CAB39: variants seen among roughly 807,000 people sequenced by gnomAD.
CAB39 encodes calcium binding protein 39, also known as calcium-binding protein 39.
Under a neutral mutation model 40.0 loss-of-function variants are expected in CAB39, and 8 were observed. The ratio of observed to expected loss-of-function variants is 0.20; its 90% confidence interval spans 0.12 to 0.36. The LOEUF (loss-of-function observed/expected upper bound fraction) is 0.36. CAB39 is among the 10% of genes least tolerant of loss of function. CAB39 has a pLI of 1.00. For synonymous variants in CAB39, 156 were observed against 141.6 expected (o/e 1.10, Z -0.72); for missense variants, 270 against 401.1 (o/e 0.67, Z 2.79).
At chr2:230,737,919 G>T (rs560219607) in intron 1 of CAB39, among the ~76,000 whole-genome samples, 1 of 152,194 alleles carries the variant, frequency 6.6e-6, no homozygotes, top group Non-Finnish European at 1.5e-5. Flanking sequence ...AGCAATAAAA[G>T]AAGGTATGTG....
intron 1 of CAB39, among the ~76,000 whole-genome samples, chr2:230,715,306 T>C (rs990934807): frequency 3.9e-5 from 6 of 152,246 alleles, no homozygotes; most frequent in African/African-American, 1.4e-4. Context: ...GACAGAACTT[T>C]TTCTGAAAGT....
chr2:230,717,534 C>T (rs947029741), intron 1 of CAB39, among the ~76,000 whole-genome samples: 2 of 152,240 alleles, frequency 1.3e-5, no homozygotes, highest in Non-Finnish European at 2.9e-5. Context: ...AATATGGGGG[C>T]AGAGCAAAGT....
At chr2:230,749,054 A>G (rs1244187862) in intron 1 of CAB39, among the ~76,000 whole-genome samples, 2 of 146,316 alleles carry the variant, frequency 1.4e-5, no homozygotes, top group African/African-American at 5.0e-5. Context: ...TGTTGCCTTC[A>G]CAACCTCCAA....
At chr2:230,805,586 CATCTGTTCAGATTCAGGT>C (rs1159174505) in intron 5 of CAB39, among the ~76,000 whole-genome samples, 1 of 152,200 alleles carries the variant, frequency 6.6e-6, no homozygotes, top group African/African-American at 2.4e-5. Context: ...CCAATCTCTT[CATCTGTTCAGATTCAGGT>C]AATAACATGA....
chr2:230,800,996 C>G (rs778738165), intron 5 of CAB39, among the ~76,000 whole-genome samples: 21 of 151,988 alleles, frequency 1.4e-4, no homozygotes, highest in Non-Finnish European at 2.4e-4. Context: ...GCAGGTCACC[C>G]CTACTTGATA....
chr2:230,755,354 T>C (rs1357001511), intron 1 of CAB39, among the ~76,000 whole-genome samples: 1 of 152,202 alleles, frequency 6.6e-6, no homozygotes, highest in Non-Finnish European at 1.5e-5. Context: ...AGGTGGGTAT[T>C]GCACTGTGGT....
chr2:230,800,629 T>C (rs1487353889), intron 5 of CAB39, among the ~76,000 whole-genome samples: 1 of 152,002 alleles, frequency 6.6e-6, no homozygotes, highest in Non-Finnish European at 1.5e-5. Context: ...TTCCCCTGTG[T>C]GGAAGGACAG....
chr2:230,799,231 T>C, intron 5 of CAB39: 1 of 194,620 alleles, frequency 5.1e-6, no homozygotes, highest in Non-Finnish European at 1.0e-5. Context: ...AGCAGTTTCT[T>C]TGGTTAAGCA....
chr2:230,737,312 T>G (rs987574514), intron 1 of CAB39, among the ~76,000 whole-genome samples: 5 of 152,174 alleles, frequency 3.3e-5, no homozygotes, highest in African/African-American at 1.2e-4. Flanking sequence ...CATTTTAGTT[T>G]GACAAAACTT....
At chr2:230,719,212 G>A (rs1176566891) in intron 1 of CAB39, among the ~76,000 whole-genome samples, 1 of 152,174 alleles carries the variant, frequency 6.6e-6, no homozygotes, top group African/African-American at 2.4e-5. Flanking sequence ...TAAATGTTGG[G>A]CAAACCTCTT....
In CAB39 at chr2:230,768,993, G is replaced by T. The variant is rs1045150406; in HGVS notation, c.114+8878G>T. On this transcript the variant is annotated intron_variant, in intron 2 of 8. Coordinates refer to ENST00000258418, the MANE Select transcript of CAB39 (RefSeq NM_016289.4). ...TTGGATGAAAGAATCCCTACTATAT[G>T]GTGCCTATTAAAAAATGTACTTTAC... is the stretch of plus-strand genomic sequence containing the variant. 7.4e-4 allele frequency among the ~76,000 whole-genome samples: 112 copies of T among 152,034 alleles called. 2 individuals carry two copies. The highest frequency in any genetic ancestry group is 3.4e-4 in the Non-Finnish European group (23 of 67,988).
chr2:230,762,721 C>T (rs1296782292), intron 2 of CAB39, among the ~76,000 whole-genome samples: 1 of 152,232 alleles, frequency 6.6e-6, no homozygotes, highest in Non-Finnish European at 1.5e-5. Context: ...TCATTCTATT[C>T]ATCAGAATCG....
At chr2:230,777,117 G>A (rs373933651) in intron 2 of CAB39, among the ~76,000 whole-genome samples, 1 of 149,934 alleles carries the variant, frequency 6.7e-6, no homozygotes. Flanking sequence ...ATTTATTTCT[G>A]TATCTATACA....
chr2:230,788,620 G>A (rs193123072), intron 2 of CAB39, among the ~76,000 whole-genome samples: 217 of 152,176 alleles, frequency 1.4e-3, no homozygotes, highest in African/African-American at 5.0e-3. Context: ...CTACTTTTCT[G>A]TGTCTCAAAA....
At chr2:230,727,433 G>C (rs1259366368) in intron 1 of CAB39, among the ~76,000 whole-genome samples, 4 of 66,296 alleles carry the variant, frequency 6.0e-5, no homozygotes, top group Non-Finnish European at 8.7e-5. Flanking sequence ...TTTTTTTTTT[G>C]AGACAGGGTC....
At position 230,791,009 on chromosome 2, in the gene CAB39, A is replaced by G; in HGVS notation, c.252A>G (p.Val84=). The change falls in exon 3 of 9, where the codon GTA becomes GTG. Residue 84 remains valine (V), a synonymous_variant. Coordinates refer to ENST00000258418, the MANE Select transcript of CAB39 (RefSeq NM_016289.4). The stretch of plus-strand genomic sequence containing the variant: ...ATAGTGGGCTCCTTAGCACCCTGGT[A>G]GCTGATTTACAGCTCATTGACTTTG... ...LYNSGLLSTL[V]ADLQLIDFEG... 6.2e-7 allele frequency: 1 copy of G among 1,601,210 alleles called. No individual in the cohort carries two copies.
intron 2 of CAB39, among the ~76,000 whole-genome samples, chr2:230,788,655 A>G (rs978081636): frequency 1.3e-5 from 2 of 152,264 alleles, no homozygotes; most frequent in East Asian, 3.9e-4. Flanking sequence ...TTGTTTTTCA[A>G]AGGTATTTTT....
At chr2:230,813,976 G>GTTTTTT (rs1335944963) in intron 6 of CAB39, 73 bp from the exon 7 acceptor site, 10 of 262,076 alleles carry the variant, frequency 3.8e-5, no homozygotes, top group South Asian at 1.5e-4. Flanking sequence ...TTACCTACCA[G>GTTTTTT]TCTTTTTTTT....
intron 5 of CAB39, among the ~76,000 whole-genome samples, chr2:230,802,376 A>C (rs1325331639): frequency 2.0e-5 from 3 of 152,218 alleles, no homozygotes; most frequent in Non-Finnish European, 2.9e-5. Context: ...AAACACATCC[A>C]AAAGCTAGCA....
Sources: gnomAD v4.1 joint callset for allele counts (sites outside exome capture counted in the v4.1 genomes callset) on GRCh38, gnomAD v4.1.1 for gene constraint, MANE v1.5 for transcripts, NCBI Gene and HGNC (gene_info 2026-07-23, HGNC 2026-07-21) for gene names.